ULK4: variants seen among roughly 807,000 people sequenced by gnomAD.
ULK4 encodes unc-51 like kinase 4.
In ULK4, 133 loss-of-function variants were observed where a neutral mutation model predicts 160.6. The observed-to-expected ratio is 0.83, with a 90% CI of 0.72 to 0.96. The LOEUF is 0.96. ULK4 is among the 40% of genes least tolerant of loss of function. The pLI is 0.00. For missense variants in ULK4, 1,580 were observed against 1,499.5 expected (o/e 1.05, Z -0.89); for synonymous variants, 534 against 539.8 (o/e 0.99, Z 0.15).
At chr3:41,536,349 T>C (rs1376604318) in intron 32 of ULK4, among the ~76,000 whole-genome samples, 1 of 141,516 alleles carries the variant, frequency 7.1e-6, no homozygotes, top group East Asian at 2.0e-4. Flanking sequence ...ACATTTCTGT[T>C]ACTAGACTAG....
rs776367718 is a variant in ULK4, at chr3:41,800,259, A to ATT, written c.1881_1882dup (p.Ile628LysfsTer22). 6.2e-6 allele frequency: 10 copies of ATT among 1,612,864 alleles called. No individual in the cohort carries two copies. Among genetic ancestry groups the ATT allele is most frequent in the Non-Finnish European group, 8.5e-6 (10 of 1,179,678 alleles). On this transcript the variant is annotated frameshift_variant, in exon 20 of 37. Transcript: ENST00000301831. LOFTEE classifies it high-confidence loss of function. ...AAAGGTGGTACAGACATTTTCAATA[A>ATT]TTTTTGCTGCCATGTGATTCACAAC... is the stretch of plus-strand genomic sequence containing the variant.
chr3:41,690,250 A>G (rs866138372), intron 27 of ULK4, among the ~76,000 whole-genome samples: 2 of 151,004 alleles, frequency 1.3e-5, no homozygotes, highest in Admixed American at 6.6e-5. Context: ...ATGAGAACAC[A>G]TGGACACAGG....
Position 41,835,423 on chromosome 3 carries a change from A to G in ULK4, c.1764+441T>C, listed in dbSNP as rs561788163. Among the ~76,000 whole-genome samples, 4 of 152,322 alleles carry G rather than the reference A, an allele frequency of 2.6e-5. No homozygotes were observed. In the East Asian group the frequency reaches 5.8e-4, roughly 22 times the overall value. On this transcript the variant is annotated intron_variant, in intron 18 of 36. Coordinates refer to ENST00000301831, the MANE Select transcript of ULK4 (RefSeq NM_017886.4). ...CTTCCATATTGCACCTTTAGATATAATAAGTCAAATTCTGCCTTCACAAAT... is the reference window on the plus strand; with the variant it reads ...CTTCCATATTGCACCTTTAGATATAGTAAGTCAAATTCTGCCTTCACAAAT...
chr3:41,845,580 G>A lies in ULK4; in HGVS notation c.1657-9609C>T, dbSNP rs573846304. ...AAAGGGAATATGAGGGATCCTTGCA[G>A]TGATGAAACTCTTCTTTTCCTTAAC... On this transcript the variant is annotated intron_variant, in intron 17 of 36. Transcript: ENST00000301831. Among the ~76,000 whole-genome samples the A allele has an allele frequency of 4.6e-5, 7 of 152,250 alleles. No homozygotes were observed. The South Asian group carries it at 1.5e-3, about 32-fold the overall frequency.
At chr3:41,669,884 C>G (rs1363125621) in intron 29 of ULK4, among the ~76,000 whole-genome samples, 1 of 151,896 alleles carries the variant, frequency 6.6e-6, no homozygotes, top group Non-Finnish European at 1.5e-5. Context: ...CAGACAGGTT[C>G]CAAACAGAGA....
At chr3:41,766,066 C>G (rs2039151130) in intron 21 of ULK4, among the ~76,000 whole-genome samples, 1 of 152,042 alleles carries the variant, frequency 6.6e-6, no homozygotes, top group Non-Finnish European at 1.5e-5. Flanking sequence ...GTCAGGAGTT[C>G]AAGACCAGCC....
At chr3:41,685,580 A>C (rs2036073828) in intron 27 of ULK4, among the ~76,000 whole-genome samples, 1 of 152,214 alleles carries the variant, frequency 6.6e-6, no homozygotes. Flanking sequence ...ACAGGAAGGA[A>C]TGGCAGCCTT....
chr3:41,835,829 G>A, intron 18 of ULK4, 35 bp downstream of exon 18: 1 of 1,478,248 alleles, frequency 6.8e-7, no homozygotes, highest in East Asian at 2.3e-5. Context: ...GTCAGAACAT[G>A]TCAAACAGCA....
chr3:41,921,359 C>A (rs1008502042), intron 5 of ULK4, among the ~76,000 whole-genome samples: 6 of 152,078 alleles, frequency 3.9e-5, no homozygotes, highest in African/African-American at 1.4e-4. Flanking sequence ...CACCTGTAAT[C>A]CCAGCATTTT....
chr3:41,533,467 T>G (rs1445321637), intron 32 of ULK4, among the ~76,000 whole-genome samples: 1 of 152,226 alleles, frequency 6.6e-6, no homozygotes, highest in Non-Finnish European at 1.5e-5. Context: ...CTAAATTTTA[T>G]AAATATGTTG....
intron 35 of ULK4, among the ~76,000 whole-genome samples, chr3:41,345,437 T>C (rs574371864): frequency 1.1e-4 from 17 of 152,328 alleles, no homozygotes; most frequent in Admixed American, 3.3e-4. Flanking sequence ...TGGAATACTA[T>C]GCAGCCATAA....
chr3:41,702,939 C>T (rs1393612646), intron 27 of ULK4, among the ~76,000 whole-genome samples: 14 of 151,180 alleles, frequency 9.3e-5, no homozygotes, highest in Admixed American at 7.2e-4. Context: ...CTGCAACCTC[C>T]GCCTCCCAGG....
chr3:41,446,282 T>C (rs987509696), intron 34 of ULK4, among the ~76,000 whole-genome samples: 1 of 152,200 alleles, frequency 6.6e-6, no homozygotes, highest in African/African-American at 2.4e-5. Context: ...TTGGTGGGAA[T>C]GTAAACTAGT....
At chr3:41,341,100 G>C (rs2080673412) in intron 35 of ULK4, among the ~76,000 whole-genome samples, 1 of 152,320 alleles carries the variant, frequency 6.6e-6, no homozygotes, top group African/African-American at 2.4e-5. Context: ...AGCATCTCAG[G>C]ACAGTGACAT....
intron 22 of ULK4, among the ~76,000 whole-genome samples, chr3:41,736,130 T>C (rs530491361): frequency 6.6e-6 from 1 of 151,732 alleles, no homozygotes; most frequent in East Asian, 1.9e-4. Context: ...TTTGCTATTG[T>C]GAATAATGCC....
chr3:41,852,675 CAG>C lies in ULK4; in HGVS notation c.1657-16706_1657-16705del, dbSNP rs1232060374. On this transcript the variant is annotated intron_variant, in intron 17 of 36. Coordinates refer to ENST00000301831, the MANE Select transcript of ULK4 (RefSeq NM_017886.4). ...AACAACAGAGAACAAATAGAAACAA[CAG>C]AGAGAATCAGAATACTTTAACCCCA... 2.0e-5 allele frequency among the ~76,000 whole-genome samples: 3 copies of C among 152,188 alleles called. No homozygotes were observed. The South Asian group carries it at 6.2e-4, about 32-fold the overall frequency.
chr3:41,737,838 A>G (rs1216426072), intron 22 of ULK4, among the ~76,000 whole-genome samples: 3 of 151,934 alleles, frequency 2.0e-5, no homozygotes, highest in African/African-American at 7.3e-5. Context: ...TTCAAATTAC[A>G]GTGACCCCAG....
chr3:41,747,515 G>C (rs2038458892), intron 22 of ULK4, among the ~76,000 whole-genome samples: 1 of 149,954 alleles, frequency 6.7e-6, no homozygotes, highest in Non-Finnish European at 1.5e-5. Context: ...ATTAAAACTT[G>C]AATACTAGCT....
intron 30 of ULK4, among the ~76,000 whole-genome samples, chr3:41,621,240 T>C (rs756094044): frequency 1.3e-5 from 2 of 152,142 alleles, no homozygotes; most frequent in Non-Finnish European, 2.9e-5. Context: ...CCATTGACTT[T>C]CTTCATGGAA....
Sources: gnomAD v4.1 joint callset for allele counts (sites outside exome capture counted in the v4.1 genomes callset) on GRCh38, gnomAD v4.1.1 for gene constraint, MANE v1.5 for transcripts, NCBI Gene and HGNC (gene_info 2026-07-23, HGNC 2026-07-21) for gene names.